The following STRA6 variants were observed in gnomAD, a reference collection of about 807,000 sequenced individuals.
STRA6 encodes signaling receptor and transporter of retinol STRA6.
Under a neutral mutation model 83.6 loss-of-function variants are expected in STRA6, and 48 were observed. The ratio of observed to expected loss-of-function variants is 0.57; its 90% CI spans 0.46 to 0.73. The LOEUF is 0.73. Ranked by LOEUF, STRA6 falls within the 30% of genes least tolerant of loss-of-function variation. The pLI is 0.00. For missense variants in STRA6, 760 were observed against 838.8 expected (o/e 0.91, Z 1.16); for synonymous variants, 353 against 362.3 (o/e 0.97, Z 0.29).
In STRA6 at chr15:74,196,163, G is replaced by C. The variant is rs1452793283; in HGVS notation, c.267-16C>G. 10 of 1,612,956 alleles carry C rather than the reference G, an allele frequency of 6.2e-6. No individual in the cohort carries two copies. Among genetic ancestry groups the C allele is most frequent in the Non-Finnish European group, 7.6e-6 (9 of 1,179,936 alleles). On this transcript the variant is annotated splice_polypyrimidine_tract_variant and intron_variant, in intron 4 of 18. Transcript: ENST00000395105. ...ATCCACAGGGCTAGCACAGAGGCAA[G>C]GACAGGGCAGGAGGGAGTTGCTCAG... is the stretch of plus-strand genomic sequence containing the variant.
chr15:74,181,089 G>A, intron 17 of STRA6, 152 bp from the exon 18 acceptor site: 1 of 1,355,150 alleles, frequency 7.4e-7, no homozygotes, highest in Non-Finnish European at 1.0e-6. Flanking sequence ...GGCTGCATGG[G>A]CACGTGTGGA....
chr15:74,209,054 C>T (rs866151613), upstream of STRA6: 9 of 1,200,516 alleles, frequency 7.5e-6, no homozygotes, highest in African/African-American at 7.9e-5. Flanking sequence ...GGCAGCTCCC[C>T]CCTTCTCCAG....
chr15:74,196,769 G>A (rs973120394), intron 4 of STRA6, among the ~76,000 whole-genome samples: 1 of 152,172 alleles, frequency 6.6e-6, no homozygotes, highest in East Asian at 1.9e-4. Flanking sequence ...CTGGGTCTGG[G>A]ATGTGAAGCT....
chr15:74,210,698 G>A (rs984548313), upstream of STRA6, among the ~76,000 whole-genome samples: 1 of 152,208 alleles, frequency 6.6e-6, no homozygotes, highest in African/African-American at 2.4e-5. Context: ...TCACTGAGCT[G>A]TGTGAATTTG....
At chr15:74,200,869 C>T (rs1222383899) in intron 2 of STRA6, among the ~76,000 whole-genome samples, 1 of 152,214 alleles carries the variant, frequency 6.6e-6, no homozygotes, top group Non-Finnish European at 1.5e-5. Context: ...AGCTATAGAC[C>T]ACAGCTACAT....
At chr15:74,203,255 C>T, upstream of STRA6, 3 of 975,976 alleles carry the variant, frequency 3.1e-6, no homozygotes, top group Non-Finnish European at 3.7e-6. Flanking sequence ...AACTCACCCC[C>T]ACAAGGCGGA....
upstream of STRA6, chr15:74,209,609 A>T (rs868614438): frequency 6.3e-6 from 4 of 634,394 alleles, no homozygotes; most frequent in Admixed American, 5.8e-5. Flanking sequence ...TCTCACAGAC[A>T]GGCTGGGGTT....
chr15:74,203,789 AAATTTAGTCC>A (rs1249472212), upstream of STRA6, among the ~76,000 whole-genome samples: 2 of 152,190 alleles, frequency 1.3e-5, no homozygotes, highest in Non-Finnish European at 2.9e-5. Context: ...ATGGGAAACC[AAATTTAGTCC>A]AAGAGCATTT....
chr15:74,183,776 GCA>G (rs1297089988), intron 14 of STRA6, 78 bp downstream of exon 14: 1 of 1,609,616 alleles, frequency 6.2e-7, no homozygotes, highest in Non-Finnish European at 8.5e-7. Flanking sequence ...TACTTGCTGA[GCA>G]CTCTTCTCCC....
rs777187993 is a variant in STRA6 at position 74,195,459 on chromosome 15, T to G, written c.440A>C (p.Lys147Thr). Residue 147 changes from lysine (K) to threonine (T), a missense_variant, in exon 7 of 19, where the codon AAG becomes ACG. Lys to Thr is a moderately conservative substitution (Grantham distance 78, BLOSUM62 -1). Coordinates refer to ENST00000395105, the MANE Select transcript of STRA6 (RefSeq NM_022369.4). ...AGCATAATAGAACAGTCCCAGTATC[T>G]TCCAGGCCCCTGGAAGGTGAAACAA... ...GKTEAPRGAWKILGLFYYAAL... is the reference protein window; with the variant it reads ...GKTEAPRGAWTILGLFYYAAL... The G allele has an allele frequency of 1.9e-6, 3 of 1,613,334 alleles. No homozygotes were observed. The highest frequency in any genetic ancestry group is 2.5e-6 in the Non-Finnish European group (3 of 1,179,904).
At position 74,181,392 on chromosome 15, in the gene STRA6, G is replaced by A. The variant is rs1267136583; in HGVS notation, c.1587C>T (p.Ala529=). The A allele has an allele frequency of 1.9e-6, 3 of 1,613,282 alleles. No individual in the cohort carries two copies. Among genetic ancestry groups the A allele is most frequent in the Non-Finnish European group, 2.5e-6 (3 of 1,179,670 alleles). Residue 529 remains alanine, a synonymous_variant, in exon 17 of 19, where the codon GCC becomes GCT. Coordinates refer to ENST00000395105, the MANE Select transcript of STRA6 (RefSeq NM_022369.4). ...PLNVLVGAMV[A]TWRVLLSALY... is the part of the protein sequence containing the mutation. The stretch of plus-strand genomic sequence containing the variant: ...GGGCAGAGAGGAGCACTCGCCAGGT[G>A]GCCACCATGGCACCCACCAGCACAT...
upstream of STRA6, among the ~76,000 whole-genome samples, chr15:74,205,611 G>A (rs774185308): frequency 2.2e-4 from 34 of 152,194 alleles, no homozygotes; most frequent in Admixed American, 5.9e-4. Context: ...ATGAGATTTG[G>A]AGGGCACACA....
Position 74,180,193 on chromosome 15 carries a change from C to A in STRA6, c.1891G>T (p.Gly631Trp), listed in dbSNP as rs144308388. Residue 631 changes from glycine (G) to tryptophan (W), a missense_variant, in exon 19 of 19, where the codon GGG becomes TGG. Coordinates refer to ENST00000395105, the MANE Select transcript of STRA6 (RefSeq NM_022369.4). ...CAGCGAGCCCTGCCGCGGCTGGCCC[C>A]GGGCCTAGCTCCCTTGGCCATGGAG... ...KDSMAKGARPGASRGRARWGL... is the reference protein window; with the variant it reads ...KDSMAKGARPWASRGRARWGL... 4 of 1,613,918 alleles carry A rather than the reference C, an allele frequency of 2.5e-6. No individual in the cohort carries two copies. Among genetic ancestry groups the A allele is most frequent in the Non-Finnish European group, 8.5e-7 (1 of 1,180,008 alleles).
Position 74,195,265 on chromosome 15 carries a change from C to A in STRA6, c.597+37G>T, listed in dbSNP as rs749757889. 6.2e-6 allele frequency: 10 copies of A among 1,606,114 alleles called. No homozygotes were observed. In the Admixed American group the frequency reaches 1.0e-4, roughly 16 times the overall value. On this transcript the variant is annotated intron_variant, in intron 7 of 18. Coordinates refer to ENST00000395105, the MANE Select transcript of STRA6 (RefSeq NM_022369.4). ...TGTGGTTTGAGTAGGTTGCTCTGTG[C>A]GCCCCTCTGCCCTAGGCCATTGTGA...
chr15:74,202,721 A>T lies in STRA6; in HGVS notation c.-24T>A. On this transcript the variant is annotated 5_prime_UTR_variant, in exon 1 of 19. Transcript: ENST00000395105. ...CAGACCCACAGACACACCAGAAGGG[A>T]GGCCCAGGGAGGAAGGAGTTGCAGA... is the stretch of plus-strand genomic sequence containing the variant. The T allele has an allele frequency of 1.6e-6, 2 of 1,253,452 alleles. No homozygotes were observed. Among genetic ancestry groups the T allele is most frequent in the African/African-American group, 1.5e-5 (1 of 64,974 alleles). 77.6% of individuals were successfully genotyped at this position (1,253,452 alleles called of 1,614,324 possible).
intron 2 of STRA6, 80 bp from the exon 3 acceptor site, chr15:74,197,898 T>C: frequency 6.8e-7 from 1 of 1,460,586 alleles, no homozygotes. Flanking sequence ...TCAAGACTGT[T>C]CACACTGAGG....
intron 12 of STRA6, among the ~76,000 whole-genome samples, chr15:74,187,219 A>G (rs1207838722): frequency 6.6e-6 from 1 of 152,178 alleles, no homozygotes; most frequent in Non-Finnish European, 1.5e-5. Flanking sequence ...ATCTCCATCC[A>G]TCTACCTCCT....
intron 2 of STRA6, among the ~76,000 whole-genome samples, chr15:74,199,649 T>C (rs984172607): frequency 6.6e-6 from 1 of 152,220 alleles, no homozygotes; most frequent in African/African-American, 2.4e-5. Flanking sequence ...TGGGGGAGCC[T>C]CTGGCCCTTT....
intron 1 of STRA6, among the ~76,000 whole-genome samples, chr15:74,208,309 A>G (rs1330001109): frequency 2.6e-5 from 4 of 152,120 alleles, no homozygotes; most frequent in Non-Finnish European, 5.9e-5. Context: ...CCTTCGGAGG[A>G]CTAGACACAA....
Sources: gnomAD v4.1 joint callset for allele counts (sites outside exome capture counted in the v4.1 genomes callset) on GRCh38, gnomAD v4.1.1 for gene constraint, MANE v1.5 for transcripts, NCBI Gene and HGNC (gene_info 2026-07-23, HGNC 2026-07-21) for gene names.